Variants in ARHGAP10 observed in about 807,000 individuals in gnomAD.
ARHGAP10 encodes rho GTPase-activating protein 10.
ARHGAP10 carries 87 observed loss-of-function variants against 108.6 expected under a neutral mutation model. The ratio of observed to expected loss-of-function variants is 0.80; its 90% CI spans 0.67 to 0.96. The LOEUF (loss-of-function observed/expected upper bound fraction) is 0.96, where lower values mean the gene tolerates loss of function less well. Ranked by LOEUF, ARHGAP10 falls within the 40% of genes least tolerant of loss-of-function variation. The pLI, the probability that ARHGAP10 is intolerant of heterozygous loss-of-function variation, is 0.00. For synonymous variants in ARHGAP10, 347 were observed against 341.1 expected, an observed-to-expected ratio of 1.02 and a Z score of -0.19; for missense variants, 939 against 954.5, an observed-to-expected ratio of 0.98 and a Z score of 0.21.
intron 18 of ARHGAP10, among the ~76,000 whole-genome samples, chr4:148,014,806 G>T (rs1741289257): frequency 6.6e-6 from 1 of 152,200 alleles, no homozygotes; most frequent in Non-Finnish European, 1.5e-5. Flanking sequence ...AATCAATATG[G>T]TATGTCCCAC....
chr4:147,914,599 TACA>T (rs1164482476), intron 13 of ARHGAP10, among the ~76,000 whole-genome samples: 1 of 139,540 alleles, frequency 7.2e-6, no homozygotes, highest in Non-Finnish European at 1.5e-5. Flanking sequence ...AGCATTTTTG[TACA>T]AATGGAATCA....
At chr4:147,802,995 T>C (rs58762227) in intron 1 of ARHGAP10, among the ~76,000 whole-genome samples, 14,959 of 151,848 alleles carry the variant, frequency 0.099, 2,079 homozygotes, top group African/African-American at 0.31. Context: ...CCACTTTTTT[T>C]CCCTTAGTTT....
chr4:147,760,475 T>C (rs745331991), intron 1 of ARHGAP10, among the ~76,000 whole-genome samples: 14 of 152,074 alleles, frequency 9.2e-5, no homozygotes, highest in Non-Finnish European at 1.9e-4. Context: ...GAGCGGCAGA[T>C]TGGGGAGAGG....
At chr4:147,735,102 T>A (rs1176591033) in intron 1 of ARHGAP10, among the ~76,000 whole-genome samples, 1 of 152,196 alleles carries the variant, frequency 6.6e-6, no homozygotes, top group Non-Finnish European at 1.5e-5. Flanking sequence ...CCTGAAGGCT[T>A]ACTGCTGAAT....
chr4:147,840,311 T>A (rs974527251), intron 3 of ARHGAP10, among the ~76,000 whole-genome samples: 1 of 152,168 alleles, frequency 6.6e-6, no homozygotes, highest in Non-Finnish European at 1.5e-5. Flanking sequence ...CAGAATGATT[T>A]TTTTTCTTCT....
chr4:147,772,365 C>T lies in ARHGAP10; in HGVS notation c.154+39910C>T, dbSNP rs1409993173. Among the ~76,000 whole-genome samples the T allele has an allele frequency of 3.9e-5, 6 of 152,352 alleles. No homozygotes were observed. The South Asian group carries it at 8.3e-4, about 21-fold the overall frequency. On this transcript the variant is annotated intron_variant, in intron 1 of 22. Coordinates refer to ENST00000336498, the MANE Select transcript of ARHGAP10 (RefSeq NM_024605.4). ...TTTGTGATTTTTAGGTCTGCTCTGC[C>T]TTTCTCCTCTCTCCTCTCTGCAGTT...
At chr4:147,855,686 T>G (rs796491396) in intron 4 of ARHGAP10, among the ~76,000 whole-genome samples, 32 of 150,832 alleles carry the variant, frequency 2.1e-4, no homozygotes, top group East Asian at 5.8e-4. Flanking sequence ...CAGATGGTTT[T>G]TTTTTTTTTT....
At chr4:147,947,001 T>C (rs911868473) in intron 15 of ARHGAP10, among the ~76,000 whole-genome samples, 3 of 152,208 alleles carry the variant, frequency 2.0e-5, no homozygotes, top group Non-Finnish European at 4.4e-5. Flanking sequence ...AGGCTGATGA[T>C]TGAATGAAGG....
chr4:147,822,844 GT>G, intron 2 of ARHGAP10, 22 bp downstream of exon 2: 1 of 1,613,982 alleles, frequency 6.2e-7, no homozygotes, highest in Non-Finnish European at 8.5e-7. Context: ...TGATATTTTG[GT>G]TTGTTTTCCT....
At chr4:147,850,457 A>G (rs769225988) in intron 4 of ARHGAP10, among the ~76,000 whole-genome samples, 1 of 152,002 alleles carries the variant, frequency 6.6e-6, no homozygotes, top group Non-Finnish European at 1.5e-5. Flanking sequence ...CTGCAGCTTC[A>G]CTCCTGAAGC....
chr4:147,909,860 G>A, intron 12 of ARHGAP10, 83 bp downstream of exon 12: 13 of 1,370,324 alleles, frequency 9.5e-6, no homozygotes, highest in Non-Finnish European at 1.3e-5. Flanking sequence ...AGCTGTTGCT[G>A]GGAGCTTACT....
chr4:147,746,206 C>A lies in ARHGAP10; in HGVS notation c.154+13751C>A, dbSNP rs559264134. On this transcript the variant is annotated intron_variant, in intron 1 of 22. Transcript: ENST00000336498. ...GCATCCTCTGCCTCCGGGGTTAAAG[C>A]GATTCTTCTGCCTCAGCCTCCCGAG... Among the ~76,000 whole-genome samples the A allele has an allele frequency of 2.5e-4, 38 of 151,122 alleles. 1 individual carries two copies. Among genetic ancestry groups the A allele is most frequent in the Admixed American group, 1.3e-3 (20 of 15,156 alleles).
At chr4:148,009,268 A>G (rs1247794071) in intron 18 of ARHGAP10, among the ~76,000 whole-genome samples, 1 of 151,844 alleles carries the variant, frequency 6.6e-6, no homozygotes, top group Non-Finnish European at 1.5e-5. Context: ...TGTAGCTGGG[A>G]TTACAGGTGC....
chr4:147,828,402 C>T (rs1433581825), intron 3 of ARHGAP10, among the ~76,000 whole-genome samples: 2 of 152,196 alleles, frequency 1.3e-5, no homozygotes, highest in Non-Finnish European at 2.9e-5. Context: ...CATCTCTATG[C>T]TTAAATAGGC....
rs755998386 is a variant in ARHGAP10 at position 147,965,045 on chromosome 4, G to A, written c.1472G>A (p.Arg491His). 56 of 1,596,582 alleles carry A rather than the reference G, an allele frequency of 3.5e-5. No homozygotes were observed. Among genetic ancestry groups the A allele is most frequent in the East Asian group, 1.8e-4 (8 of 44,116 alleles). ...GAAGAAAGCGGCAGCCCAGAATCTC[G>A]TGTTAATGCGATCCATTTCTTGGTA... ...VPAKSGSPES[R>H]VNAIHFLVHK... The change falls in exon 17 of 23, where the codon CGT becomes CAT. Residue 491 changes from arginine (R) to histidine (H), a missense_variant. Physicochemically the swap from Arg to His is conservative, Grantham distance 29. Transcript: ENST00000336498.
At chr4:147,859,839 C>T (rs1734241715) in intron 5 of ARHGAP10, among the ~76,000 whole-genome samples, 1 of 152,184 alleles carries the variant, frequency 6.6e-6, no homozygotes, top group African/African-American at 2.4e-5. Context: ...TGAAGAGATC[C>T]TAACGATGAA....
intron 18 of ARHGAP10, among the ~76,000 whole-genome samples, chr4:147,974,432 A>T (rs113421946): frequency 0.02 from 2,985 of 152,292 alleles, 104 homozygotes; most frequent in African/African-American, 0.068. Context: ...AGCATCAAAG[A>T]TCATATTAAT....
At chr4:147,865,197 G>A (rs1213272885) in intron 6 of ARHGAP10, 6 of 357,930 alleles carry the variant, frequency 1.7e-5, no homozygotes, top group Non-Finnish European at 3.0e-5. Context: ...ATGATCTCAA[G>A]GAAGGCAACC....
intron 14 of ARHGAP10, 51 bp downstream of exon 14, chr4:147,939,950 T>C: frequency 7.0e-7 from 1 of 1,436,414 alleles, no homozygotes; most frequent in Non-Finnish European, 9.8e-7. Flanking sequence ...GTATGTTCAT[T>C]GACTTCACAG....
Sources: allele counts gnomAD v4.1 joint callset (sites outside exome capture counted in the v4.1 genomes callset), GRCh38; gene constraint gnomAD v4.1.1; transcripts MANE v1.5; gene names NCBI Gene and HGNC (gene_info 2026-07-23, HGNC 2026-07-21).